Variants in TRIM24 observed in about 807,000 individuals in gnomAD.
TRIM24 encodes transcription intermediary factor 1-alpha.
TRIM24 carries 29 observed loss-of-function variants against 123.9 expected under a neutral mutation model. That is an observed-to-expected ratio of 0.23 (90% CI 0.17 to 0.32). The LOEUF is 0.32. Ranked by LOEUF, TRIM24 falls within the 10% of genes least tolerant of loss-of-function variation. The pLI, the probability that TRIM24 is intolerant of heterozygous loss-of-function variation, is 1.00. For missense variants in TRIM24, 932 were observed against 1,295.3 expected (o/e 0.72, Z 4.31); for synonymous variants, 456 against 461.1 (o/e 0.99, Z 0.14).
chr7:138,527,097 T>C (rs1031090227), intron 5 of TRIM24, among the ~76,000 whole-genome samples: 24 of 152,336 alleles, frequency 1.6e-4, no homozygotes, highest in African/African-American at 5.5e-4. Flanking sequence ...TTGAAAAAAC[T>C]TTCTGTTGAA....
rs149625315 is a variant in TRIM24 at position 138,542,638 on chromosome 7, C to T, written c.1143+3835C>T. 3.5e-4 allele frequency among the ~76,000 whole-genome samples: 54 copies of T among 152,228 alleles called. No homozygotes were observed. The East Asian group carries it at 9.9e-3, about 28-fold the overall frequency. ...TGTAAAATTTACAGTACTTACGAAGCGCAGTAAAGCAAAGCTCAGTAAAAT... is the reference window on the plus strand; with the variant it reads ...TGTAAAATTTACAGTACTTACGAAGTGCAGTAAAGCAAAGCTCAGTAAAAT... On this transcript the variant is annotated intron_variant, in intron 7 of 18. Transcript: ENST00000343526.
rs368453297 is a variant in TRIM24, at chr7:138,518,201, A to C, written c.632-988A>C. Reference sequence around the variant, plus strand: ...GATACATATACTAATACAGAAAGTCATCTAAGGTAGAGTTAAGTGAGAAAA... The same window carrying C: ...GATACATATACTAATACAGAAAGTCCTCTAAGGTAGAGTTAAGTGAGAAAA... On this transcript the variant is annotated intron_variant, in intron 3 of 18. Transcript: ENST00000343526. Among the ~76,000 whole-genome samples, 10 of 152,336 alleles carry C rather than the reference A, an allele frequency of 6.6e-5. No individual in the cohort carries two copies. In the South Asian group the frequency reaches 2.1e-3, roughly 32 times the overall value.
At chr7:138,508,720 CGTGTGTGTGTGT>C (rs113425807) in intron 2 of TRIM24, among the ~76,000 whole-genome samples, 3 of 72,514 alleles carry the variant, frequency 4.1e-5, no homozygotes, top group South Asian at 4.8e-4. Flanking sequence ...TGTGTGTGTG[CGTGTGTGTGTGT>C]GTGTGTGTGT....
chr7:138,525,083 GT>G (rs1796581048), intron 4 of TRIM24, among the ~76,000 whole-genome samples, 157 bp from the exon 5 acceptor site: 1 of 152,110 alleles, frequency 6.6e-6, no homozygotes, highest in South Asian at 2.1e-4. Flanking sequence ...AATTTGAGAG[GT>G]GAGGGAAACT....
At chr7:138,495,506 AACAG>A (rs1488292140) in intron 1 of TRIM24, among the ~76,000 whole-genome samples, 333 of 152,202 alleles carry the variant, frequency 2.2e-3, no homozygotes, top group African/African-American at 7.1e-3. Context: ...AAAGTAGGCT[AACAG>A]GCCTACTTTT....
chr7:138,573,533 G>A lies in TRIM24; in HGVS notation c.1905G>A (p.Leu635=). The change falls in exon 12 of 19, where the codon CTG becomes CTA. Residue 635 remains leucine, a synonymous_variant. Transcript: ENST00000343526. ...PDIDCSSTIM[L]DNIVRKDTNI... is the part of the protein sequence containing the mutation. ...TTGACTGTTCAAGTACTATTATGCT[G>A]GACAATATTGTGAGGAAAGATACTA... The A allele has an allele frequency of 1.2e-6, 2 of 1,611,442 alleles. No individual in the cohort carries two copies. Among genetic ancestry groups the A allele is most frequent in the Non-Finnish European group, 1.7e-6 (2 of 1,178,944 alleles).
At position 138,589,203 on chromosome 7, in the gene TRIM24, C is replaced by T. The variant is rs1330395485; in HGVS notation, c.*4252C>T. The T allele has an allele frequency of 6.6e-6, 1 of 152,050 alleles. No homozygotes were observed. Among genetic ancestry groups the T allele is most frequent in the Admixed American group, 6.5e-5 (1 of 15,276 alleles). The allele number at this position is 152,050 out of a possible 1,614,324, so 9.4% of individuals were successfully genotyped here. The stretch of plus-strand genomic sequence containing the variant: ...TGAATTTACTGTTGTAATTCACATA[C>T]TGGTGTCATGTTTCTGAGTGAGAAT... On this transcript the variant is annotated 3_prime_UTR_variant, in exon 19 of 19. Coordinates refer to ENST00000343526, the MANE Select transcript of TRIM24 (RefSeq NM_015905.3).
intron 7 of TRIM24, among the ~76,000 whole-genome samples, chr7:138,549,345 T>C (rs1239067783): frequency 3.9e-5 from 6 of 152,114 alleles, no homozygotes; most frequent in Non-Finnish European, 5.9e-5. Context: ...CACATAGCGG[T>C]GTGGGAGAGA....
At chr7:138,483,149 C>T (rs1795567376) in intron 1 of TRIM24, among the ~76,000 whole-genome samples, 1 of 152,072 alleles carries the variant, frequency 6.6e-6, no homozygotes, top group Non-Finnish European at 1.5e-5. Context: ...CAAATCCCTA[C>T]ACTCCTCTGG....
chr7:138,490,013 C>T (rs1304102776), intron 1 of TRIM24, among the ~76,000 whole-genome samples: 1 of 152,186 alleles, frequency 6.6e-6, no homozygotes, highest in Non-Finnish European at 1.5e-5. Context: ...TTGGTCTTTT[C>T]ACAAAGTCCC....
chr7:138,531,760 A>G (rs1317737064), intron 6 of TRIM24, among the ~76,000 whole-genome samples: 1 of 152,192 alleles, frequency 6.6e-6, no homozygotes, highest in Non-Finnish European at 1.5e-5. Context: ...GTCAAATGGT[A>G]TTTCTAGTTC....
chr7:138,551,403 T>TG (rs1271540737), intron 8 of TRIM24, among the ~76,000 whole-genome samples: 1 of 152,158 alleles, frequency 6.6e-6, no homozygotes, highest in African/African-American at 2.4e-5. Context: ...CTAAGTTAGC[T>TG]AAGGGTAGTG....
At chr7:138,532,699 C>CT (rs1426783664) in intron 6 of TRIM24, among the ~76,000 whole-genome samples, 1 of 152,156 alleles carries the variant, frequency 6.6e-6, no homozygotes, top group Non-Finnish European at 1.5e-5. Context: ...AATGCGGGCT[C>CT]TTTTTTGGTT....
chr7:138,479,488 G>A (rs1240044332), intron 1 of TRIM24, among the ~76,000 whole-genome samples: 2 of 151,836 alleles, frequency 1.3e-5, no homozygotes, highest in African/African-American at 2.4e-5. Flanking sequence ...TCCTCCAGCC[G>A]TAGACTCCTG....
At chr7:138,474,943 G>T (rs927603729) in intron 1 of TRIM24, among the ~76,000 whole-genome samples, 15 of 152,180 alleles carry the variant, frequency 9.9e-5, no homozygotes, top group Non-Finnish European at 1.6e-4. Flanking sequence ...GAGAAAAGGG[G>T]TGACAAAGTA....
At chr7:138,507,180 CTT>C in intron 2 of TRIM24, among the ~76,000 whole-genome samples, 1 of 152,070 alleles carries the variant, frequency 6.6e-6, no homozygotes, top group Non-Finnish European at 1.5e-5. Flanking sequence ...GTTTTAAAAA[CTT>C]TTTGTTGTAG....
rs973692815 is a variant in TRIM24, at chr7:138,514,188, A to G, written c.484-1024A>G. Among the ~76,000 whole-genome samples the G allele has an allele frequency of 2.6e-5, 4 of 152,216 alleles. No individual in the cohort carries two copies. In the East Asian group the frequency reaches 7.7e-4, roughly 29 times the overall value. ...GTGTCAACTGCTGAGTGAAGTGGAAAAAAATTTTACTGTCAAACCTGTTCT... is the reference window on the plus strand; with the variant it reads ...GTGTCAACTGCTGAGTGAAGTGGAAGAAAATTTTACTGTCAAACCTGTTCT... On this transcript the variant is annotated intron_variant, in intron 2 of 18. Coordinates refer to ENST00000343526, the MANE Select transcript of TRIM24 (RefSeq NM_015905.3).
chr7:138,583,179 C>T (rs1797937746), intron 17 of TRIM24, among the ~76,000 whole-genome samples: 8 of 152,214 alleles, frequency 5.3e-5, no homozygotes, highest in Admixed American at 5.2e-4. Flanking sequence ...GATTCAAAGT[C>T]CTTCTTCCTC....
In TRIM24 at chr7:138,567,461, GTTTAA is replaced by G. The variant is rs769700862; in HGVS notation, c.1531-16_1531-12del. 1.4e-5 allele frequency: 22 copies of G among 1,592,518 alleles called. No homozygotes were observed. Among genetic ancestry groups the G allele is most frequent in the Non-Finnish European group, 1.8e-5 (21 of 1,171,246 alleles). On this transcript the variant is annotated splice_polypyrimidine_tract_variant and intron_variant, in intron 9 of 18. Coordinates refer to ENST00000343526, the MANE Select transcript of TRIM24 (RefSeq NM_015905.3). ...TCAGAAGAAGATTGTTACTAAATTG[GTTTAA>G]TTTCTTTTTTCTAGCAACCGCCTCC...
Sources: allele counts gnomAD v4.1 joint callset (sites outside exome capture counted in the v4.1 genomes callset), GRCh38; gene constraint gnomAD v4.1.1; transcripts MANE v1.5; gene names NCBI Gene and HGNC (gene_info 2026-07-23, HGNC 2026-07-21).